Variants in NLGN1 observed in about 807,000 individuals in gnomAD.
NLGN1 encodes the protein neuroligin 1.
Under a neutral mutation model 65.5 loss-of-function variants are expected in NLGN1, and 12 were observed. The observed-to-expected ratio is 0.18, with a 90% CI of 0.12 to 0.30. NLGN1 has a LOEUF of 0.30. Among genes scored for constraint, NLGN1 ranks in the 10% least tolerant of loss-of-function variants. The pLI is 1.00. For missense variants in NLGN1, 750 were observed against 1,007.1 expected (o/e 0.74, Z 3.46); for synonymous variants, 350 against 359.5 (o/e 0.97, Z 0.30).
At chr3:173,716,065 T>C (rs1415649464) in intron 3 of NLGN1, among the ~76,000 whole-genome samples, 4 of 152,184 alleles carry the variant, frequency 2.6e-5, no homozygotes, top group African/African-American at 9.7e-5. Context: ...CTACCATTCA[T>C]ACAAAAAACT....
intron 3 of NLGN1, among the ~76,000 whole-genome samples, chr3:173,640,471 A>C (rs930538894): frequency 1.3e-5 from 2 of 152,264 alleles, no homozygotes; most frequent in Non-Finnish European, 2.9e-5. Flanking sequence ...AAACTAACAG[A>C]TAGCAGGACA....
intron 3 of NLGN1, among the ~76,000 whole-genome samples, chr3:173,624,837 TTG>T (rs1190516517): frequency 7.4e-5 from 4 of 54,294 alleles, no homozygotes; most frequent in African/African-American, 1.0e-4. Context: ...CGATTTATAA[TTG>T]TTTTTTTTTT....
At chr3:173,815,186 C>T (rs943996770) in intron 4 of NLGN1, among the ~76,000 whole-genome samples, 10 of 150,806 alleles carry the variant, frequency 6.6e-5, no homozygotes, top group Non-Finnish European at 1.5e-4. Flanking sequence ...CAGTGGCTCA[C>T]TGCAACCTCC....
chr3:173,749,841 T>C (rs186494159), intron 3 of NLGN1, among the ~76,000 whole-genome samples: 124 of 152,220 alleles, frequency 8.1e-4, no homozygotes, highest in Non-Finnish European at 7.9e-4. Context: ...TGGGAATAAC[T>C]CCCTTTGTAA....
At chr3:173,843,040 A>G (rs116046439) in intron 4 of NLGN1, among the ~76,000 whole-genome samples, 1 of 152,152 alleles carries the variant, frequency 6.6e-6, no homozygotes, top group Non-Finnish European at 1.5e-5. Flanking sequence ...CCAAACCCCA[A>G]ATCTTGACTT....
chr3:173,728,716 A>G (rs1772266547), intron 3 of NLGN1, among the ~76,000 whole-genome samples: 1 of 152,120 alleles, frequency 6.6e-6, no homozygotes, highest in Non-Finnish European at 1.5e-5. Context: ...GAAAAACAGA[A>G]GCAGACATTT....
intron 4 of NLGN1, among the ~76,000 whole-genome samples, chr3:174,040,095 CA>C (rs1158649967): frequency 6.6e-6 from 1 of 152,152 alleles, no homozygotes; most frequent in Non-Finnish European, 1.5e-5. Context: ...TTTGGCTCCC[CA>C]CTATTGATGG....
chr3:173,610,506 G>A (rs57096165), intron 3 of NLGN1, among the ~76,000 whole-genome samples: 1 of 151,942 alleles, frequency 6.6e-6, no homozygotes, highest in South Asian at 2.1e-4. Flanking sequence ...TCATGAGCTT[G>A]AGAGAGAATA....
chr3:173,679,431 A>G (rs184483356), intron 3 of NLGN1, among the ~76,000 whole-genome samples: 1 of 152,078 alleles, frequency 6.6e-6, no homozygotes, highest in African/African-American at 2.4e-5. Context: ...GGGTTATATG[A>G]ATGGGTTGCT....
chr3:173,875,316 C>G (rs73035426), intron 4 of NLGN1, among the ~76,000 whole-genome samples: 2,595 of 152,248 alleles, frequency 0.017, 72 homozygotes, highest in African/African-American at 0.059. Context: ...GTGTCTGGAG[C>G]CTTAATTTGT....
intron 2 of NLGN1, among the ~76,000 whole-genome samples, chr3:173,572,003 T>C (rs1417911530): frequency 6.6e-6 from 1 of 152,226 alleles, no homozygotes; most frequent in East Asian, 1.9e-4. Context: ...AATTTTTCCC[T>C]CTAAGAAGTT....
intron 3 of NLGN1, among the ~76,000 whole-genome samples, chr3:173,787,077 CAAAA>C (rs5854539): frequency 1.4e-5 from 2 of 143,270 alleles, no homozygotes; most frequent in Admixed American, 7.0e-5. Flanking sequence ...AACTCCGTCT[CAAAA>C]AAAAAAAAAA....
At chr3:173,454,477 C>T (rs1722179414) in intron 2 of NLGN1, among the ~76,000 whole-genome samples, 1 of 152,236 alleles carries the variant, frequency 6.6e-6, no homozygotes, top group Non-Finnish European at 1.5e-5. Flanking sequence ...GCCAGGCTTA[C>T]TGTAGCCACC....
At chr3:173,777,176 T>A (rs1374780563) in intron 3 of NLGN1, among the ~76,000 whole-genome samples, 1 of 151,926 alleles carries the variant, frequency 6.6e-6, no homozygotes, top group Non-Finnish European at 1.5e-5. Flanking sequence ...AAAGAATAAA[T>A]GAGGCCATTT....
intron 2 of NLGN1, among the ~76,000 whole-genome samples, chr3:173,549,141 G>A (rs1343414422): frequency 6.6e-6 from 1 of 151,752 alleles, no homozygotes; most frequent in African/African-American, 2.4e-5. Context: ...CCATCATTGT[G>A]GATTGAAATA....
chr3:173,589,651 A>T (rs1297281141), intron 2 of NLGN1, among the ~76,000 whole-genome samples: 1 of 152,216 alleles, frequency 6.6e-6, no homozygotes, highest in Non-Finnish European at 1.5e-5. Context: ...ATAAAGAGTA[A>T]ATAATCAGGC....
intron 3 of NLGN1, among the ~76,000 whole-genome samples, chr3:173,664,697 T>C (rs1010764139): frequency 6.6e-6 from 1 of 152,092 alleles, no homozygotes; most frequent in African/African-American, 2.4e-5. Flanking sequence ...GTGGAAACTG[T>C]ATTATGCCTT....
chr3:173,446,274 C>T (rs1218816510), intron 2 of NLGN1, among the ~76,000 whole-genome samples: 31 of 138,928 alleles, frequency 2.2e-4, no homozygotes, highest in African/African-American at 7.3e-4. Context: ...TCCATGTGTT[C>T]TCATTGTTCA....
chr3:174,004,102 C>T (rs946664262), intron 4 of NLGN1, among the ~76,000 whole-genome samples: 5 of 152,002 alleles, frequency 3.3e-5, no homozygotes, highest in Admixed American at 3.3e-4. Flanking sequence ...TGAATTGAAT[C>T]GAGCATCAGA....
Sources: allele counts gnomAD v4.1 joint callset (sites outside exome capture counted in the v4.1 genomes callset), GRCh38; gene constraint gnomAD v4.1.1; transcripts MANE v1.5; gene names NCBI Gene and HGNC (gene_info 2026-07-23, HGNC 2026-07-21).